Variants in ZFHX4 observed in about 807,000 individuals in gnomAD.
ZFHX4 encodes zinc finger homeobox 4.
A neutral mutation model predicts 267.6 loss-of-function variants in ZFHX4; 56 were observed. That is an observed-to-expected ratio of 0.21 (90% CI 0.17 to 0.26). ZFHX4 has a LOEUF of 0.26. ZFHX4 is among the 10% of genes least tolerant of loss of function. ZFHX4 has a pLI of 1.00. For missense variants in ZFHX4, 4,332 were observed against 4,420.0 expected (o/e 0.98, Z 0.56); for synonymous variants, 1,778 against 1,665.6 (o/e 1.07, Z -1.64).
Position 76,772,175 on chromosome 8 carries a change from C to G in ZFHX4, c.3094-6033C>G, listed in dbSNP as rs569516795. ...AAGGCATTTAGAACAGTGCCTAGTA[C>G]GTAAAAAGCACTCAGTAAAAGTTAA... is the stretch of plus-strand genomic sequence containing the variant. On this transcript the variant is annotated intron_variant, in intron 3 of 10. Coordinates refer to ENST00000651372, the MANE Select transcript of ZFHX4 (RefSeq NM_024721.5). Among the ~76,000 whole-genome samples the G allele has an allele frequency of 1.1e-4, 17 of 152,094 alleles. No homozygotes were observed. In the South Asian group the frequency reaches 2.1e-3, roughly 19 times the overall value.
intron 6 of ZFHX4, among the ~76,000 whole-genome samples, chr8:76,843,231 C>T (rs1353326727): frequency 6.6e-6 from 1 of 152,146 alleles, no homozygotes; most frequent in East Asian, 1.9e-4. Flanking sequence ...ATGCAGTTTT[C>T]CTTGCTTTTT....
chr8:76,683,786 A>G (rs946708634), intron 1 of ZFHX4: 1 of 150,978 alleles, frequency 6.6e-6, no homozygotes, highest in African/African-American at 2.4e-5. Context: ...CATATGTAGT[A>G]TTATATTTTT....
At position 76,700,355 on chromosome 8, in the gene ZFHX4, C is replaced by T. The variant is rs1033729512; in HGVS notation, c.-46-3688C>T. On this transcript the variant is annotated intron_variant, in intron 1 of 10. Coordinates refer to ENST00000651372, the MANE Select transcript of ZFHX4 (RefSeq NM_024721.5). ...TTATTCTTTCCTCTTGATCAGATCA[C>T]GTTCTTTTTAATCATTTCACAAACA... is the stretch of plus-strand genomic sequence containing the variant. 3.3e-5 allele frequency among the ~76,000 whole-genome samples: 5 copies of T among 152,078 alleles called. No individual in the cohort carries two copies. In the East Asian group the frequency reaches 5.8e-4, roughly 18 times the overall value.
At chr8:76,814,349 A>G (rs1477626345) in intron 4 of ZFHX4, among the ~76,000 whole-genome samples, 2 of 152,214 alleles carry the variant, frequency 1.3e-5, no homozygotes, top group Non-Finnish European at 2.9e-5. Context: ...TTACATCAAT[A>G]TGATAAAAGA....
chr8:76,775,029 G>A (rs965138448), intron 3 of ZFHX4, among the ~76,000 whole-genome samples: 1 of 152,088 alleles, frequency 6.6e-6, no homozygotes, highest in African/African-American at 2.4e-5. Flanking sequence ...ATATGTCATT[G>A]GGTAAAGTAA....
chr8:76,699,294 A>G (rs1427789360), intron 1 of ZFHX4, among the ~76,000 whole-genome samples: 1 of 152,188 alleles, frequency 6.6e-6, no homozygotes, highest in Non-Finnish European at 1.5e-5. Flanking sequence ...TGACTCCTTA[A>G]TAGTTGGATT....
rs555674176 is a variant in ZFHX4, at chr8:76,854,121, G to C, written c.7200G>C (p.Glu2400Asp). ...TTCCATCACCCAAACCAGAACCTGA[G>C]AAGACTTCTCCAAAACCTGAATATC... The part of the protein sequence containing the change: ...PLIPSPKPEP[E>D]KTSPKPEYPA... Residue 2400 changes from glutamate (E) to aspartate (D), a missense_variant, in exon 10 of 11, where the codon GAG becomes GAC. This residue lies in a region of ZFHX4 where 1,648 missense variants were observed against 1,625.0 expected (regional missense o/e 1.01). Transcript: ENST00000651372. 1.4e-5 allele frequency: 23 copies of C among 1,613,424 alleles called. No homozygotes were observed. The highest frequency in any genetic ancestry group is 1.9e-5 in the Non-Finnish European group (22 of 1,179,720).
At chr8:76,812,201 C>T (rs755388024) in intron 4 of ZFHX4, among the ~76,000 whole-genome samples, 6 of 152,086 alleles carry the variant, frequency 3.9e-5, no homozygotes, top group East Asian at 1.9e-4. Flanking sequence ...TAAAACTTTT[C>T]GTTGATTTAC....
chr8:76,839,160 T>C (rs1008893988), intron 5 of ZFHX4, among the ~76,000 whole-genome samples: 2 of 152,110 alleles, frequency 1.3e-5, no homozygotes, highest in African/African-American at 2.4e-5. Flanking sequence ...ACCACTGATG[T>C]ACATTTGCTT....
At chr8:76,702,836 AC>A (rs1228326812) in intron 1 of ZFHX4, among the ~76,000 whole-genome samples, 3 of 152,126 alleles carry the variant, frequency 2.0e-5, no homozygotes, top group Admixed American at 2.0e-4. Flanking sequence ...GAAAATAAAC[AC>A]AAGTTTCAGA....
intron 3 of ZFHX4, among the ~76,000 whole-genome samples, chr8:76,729,271 T>G (rs923332576): frequency 6.6e-6 from 1 of 152,114 alleles, no homozygotes; most frequent in Non-Finnish European, 1.5e-5. Context: ...GTGTGCCTTC[T>G]GCTTTGAAGG....
intron 1 of ZFHX4, among the ~76,000 whole-genome samples, chr8:76,695,071 A>G (rs1009458928): frequency 9.9e-5 from 15 of 151,974 alleles, no homozygotes; most frequent in African/African-American, 3.4e-4. Flanking sequence ...AAATATTGGG[A>G]TTAGCCAACA....
intron 5 of ZFHX4, among the ~76,000 whole-genome samples, chr8:76,835,219 GTATATA>G (rs773901442): frequency 2.0e-4 from 15 of 76,108 alleles, no homozygotes; most frequent in African/African-American, 4.2e-4. Flanking sequence ...GTATATATAT[GTATATA>G]TATATATATA....
At chr8:76,800,302 C>T (rs960658676) in intron 4 of ZFHX4, among the ~76,000 whole-genome samples, 2 of 152,124 alleles carry the variant, frequency 1.3e-5, no homozygotes, top group Admixed American at 6.5e-5. Flanking sequence ...TTTATGTCCA[C>T]CCTGAAGAGT....
intron 3 of ZFHX4, among the ~76,000 whole-genome samples, chr8:76,731,890 A>ATTATTT (rs1554555184): frequency 1.4e-5 from 2 of 145,970 alleles, no homozygotes; most frequent in Admixed American, 6.9e-5. Flanking sequence ...TATTATTATT[A>ATTATTT]TTTTTGAGAC....
chr8:76,843,844 T>G (rs556233946), intron 6 of ZFHX4, among the ~76,000 whole-genome samples: 1 of 152,278 alleles, frequency 6.6e-6, no homozygotes, highest in East Asian at 1.9e-4. Context: ...CTTCAGTCTT[T>G]GCATATCTAA....
At chr8:76,727,649 A>T (rs1384254845) in intron 3 of ZFHX4, among the ~76,000 whole-genome samples, 1 of 152,208 alleles carries the variant, frequency 6.6e-6, no homozygotes, top group Admixed American at 6.5e-5. Flanking sequence ...AGTCTACCAT[A>T]AAACATATCA....
intron 1 of ZFHX4, among the ~76,000 whole-genome samples, chr8:76,691,257 C>T (rs1807817380): frequency 6.6e-6 from 1 of 152,050 alleles, no homozygotes; most frequent in Non-Finnish European, 1.5e-5. Context: ...GTTATTGTGA[C>T]TGTTAAACAT....
At chr8:76,698,461 AC>A (rs1415178929) in intron 1 of ZFHX4, among the ~76,000 whole-genome samples, 1 of 152,134 alleles carries the variant, frequency 6.6e-6, no homozygotes, top group Non-Finnish European at 1.5e-5. Flanking sequence ...GGTAAAGTGC[AC>A]CTTTTCTCCT....
Sources: gnomAD v4.1 joint callset for allele counts (sites outside exome capture counted in the v4.1 genomes callset) on GRCh38, gnomAD v4.1.1 for gene constraint, gnomAD v4.1.1 regional missense constraint, MANE v1.5 for transcripts, NCBI Gene and HGNC (gene_info 2026-07-23, HGNC 2026-07-21) for gene names.